The following SH3YL1 variants were observed in gnomAD, a reference collection of about 807,000 sequenced individuals.
SH3YL1 encodes SH3 domain-containing YSC84-like protein 1.
Under a neutral mutation model 45.8 loss-of-function variants are expected in SH3YL1, and 41 were observed. The observed-to-expected ratio is 0.89, with a 90% CI of 0.70 to 1.16. SH3YL1 has a LOEUF of 1.16. Ranked by LOEUF, SH3YL1 falls within the 50% of genes most tolerant of loss-of-function variation. The pLI, the probability that SH3YL1 is intolerant of heterozygous loss-of-function variation, is 0.00. For missense variants in SH3YL1, 389 were observed against 409.6 expected (o/e 0.95, Z 0.43); for synonymous variants, 152 against 151.4 (o/e 1.00, Z -0.03).
Position 253,063 on chromosome 2 carries a change from T to C in SH3YL1, c.54A>G (p.Lys18=). The C allele has an allele frequency of 1.9e-6, 3 of 1,550,566 alleles. No individual in the cohort carries two copies. Among genetic ancestry groups the C allele is most frequent in the Non-Finnish European group, 2.6e-6 (3 of 1,146,064 alleles). The change falls in exon 2 of 10, where the codon AAA becomes AAG. Residue 18 remains lysine (K), a synonymous_variant. Coordinates refer to ENST00000356150, the MANE Select transcript of SH3YL1 (RefSeq NM_015677.4). ...NLKSEAKKAA[K]ILREFTEITS... ...TTATTTCTGTGAATTCTCTTAATAT[T>C]TTGGCAGCCTTTTTTGCTTCTGATT...
chr2:251,537 G>A (rs775039927), intron 2 of SH3YL1, among the ~76,000 whole-genome samples: 9 of 152,106 alleles, frequency 5.9e-5, no homozygotes, highest in Non-Finnish European at 1.3e-4. Context: ...ACTGAGACGG[G>A]CTCCTTCAGA....
chr2:254,859 C>T (rs1411925818), intron 1 of SH3YL1, among the ~76,000 whole-genome samples: 1 of 152,232 alleles, frequency 6.6e-6, no homozygotes, highest in Non-Finnish European at 1.5e-5. Flanking sequence ...AGCCAGACTA[C>T]AGCCTAAGTG....
At chr2:258,170 T>G (rs544283312) in intron 1 of SH3YL1, among the ~76,000 whole-genome samples, 2 of 152,318 alleles carry the variant, frequency 1.3e-5, no homozygotes, top group South Asian at 4.1e-4. Context: ...TAAAATAGTT[T>G]TGTTTTCTAA....
chr2:248,089 C>T (rs1314863698), intron 3 of SH3YL1, among the ~76,000 whole-genome samples: 15 of 152,170 alleles, frequency 9.9e-5, no homozygotes, highest in African/African-American at 2.7e-4. Context: ...TAACACCTCT[C>T]GTGCTTAAGC....
At chr2:263,335 T>C (rs1382692730) in intron 1 of SH3YL1, 1 of 153,618 alleles carries the variant, frequency 6.5e-6, no homozygotes, top group East Asian at 1.9e-4. Flanking sequence ...TCCTATTTCC[T>C]TAAGGTGGTC....
At chr2:245,262 AT>A (rs1156896076) in intron 4 of SH3YL1, among the ~76,000 whole-genome samples, 1 of 152,174 alleles carries the variant, frequency 6.6e-6, no homozygotes, top group Non-Finnish European at 1.5e-5. Context: ...TTTAAAACTC[AT>A]GTCTCCAATC....
chr2:260,870 C>G (rs1389901106), intron 1 of SH3YL1: 1 of 152,204 alleles, frequency 6.6e-6, no homozygotes, highest in East Asian at 1.9e-4. Flanking sequence ...TGCAAACATC[C>G]TGCTGTAGGG....
At chr2:226,445 T>G (rs951502149) in intron 8 of SH3YL1, among the ~76,000 whole-genome samples, 4 of 152,232 alleles carry the variant, frequency 2.6e-5, no homozygotes, top group Non-Finnish European at 5.9e-5. Flanking sequence ...AAGAGATGTT[T>G]ACATTCACTA....
chr2:252,805 C>A (rs1669129020), intron 2 of SH3YL1, among the ~76,000 whole-genome samples, 200 bp downstream of exon 2: 1 of 152,044 alleles, frequency 6.6e-6, no homozygotes, highest in South Asian at 2.1e-4. Flanking sequence ...TGGAAATAAC[C>A]AGAAGTTGTA....
At chr2:219,649 T>A (rs1381988873) in intron 9 of SH3YL1, among the ~76,000 whole-genome samples, 2 of 152,188 alleles carry the variant, frequency 1.3e-5, no homozygotes, top group Non-Finnish European at 2.9e-5. Flanking sequence ...CAAGATAGTG[T>A]GACAGTTTCA....
intron 4 of SH3YL1, among the ~76,000 whole-genome samples, chr2:237,796 G>T (rs965407770): frequency 6.6e-6 from 1 of 151,690 alleles, no homozygotes; most frequent in African/African-American, 2.4e-5. Context: ...ACAAGTACCA[G>T]GAAAATATGT....
intron 4 of SH3YL1, among the ~76,000 whole-genome samples, chr2:247,133 A>G (rs1668854822): frequency 1.3e-5 from 2 of 152,368 alleles, no homozygotes; most frequent in Non-Finnish European, 2.9e-5. Flanking sequence ...AGGGATTTGA[A>G]TATCATATGT....
At chr2:254,399 G>A (rs1010690573) in intron 1 of SH3YL1, among the ~76,000 whole-genome samples, 3 of 152,188 alleles carry the variant, frequency 2.0e-5, no homozygotes, top group Non-Finnish European at 2.9e-5. Flanking sequence ...GAGCGAAGAA[G>A]CTGAATAGCT....
At chr2:227,480 AATT>A (rs1031696447) in intron 8 of SH3YL1, among the ~76,000 whole-genome samples, 2 of 152,162 alleles carry the variant, frequency 1.3e-5, no homozygotes, top group Admixed American at 1.3e-4. Flanking sequence ...GATACTGAAT[AATT>A]ATTAAAAAGA....
At position 243,902 on chromosome 2, in the gene SH3YL1, T is replaced by TA. The variant is rs1355924249; in HGVS notation, c.291+3635dup. Among the ~76,000 whole-genome samples, 4 of 152,208 alleles carry TA rather than the reference T, an allele frequency of 2.6e-5. No homozygotes were observed. In the East Asian group the frequency reaches 7.7e-4, roughly 29 times the overall value. On this transcript the variant is annotated intron_variant, in intron 4 of 9. Coordinates refer to ENST00000356150, the MANE Select transcript of SH3YL1 (RefSeq NM_015677.4). ...AGTGGCTTGTTATTCAGAAGAATGT[T>TA]ACAGTGAGGTGGGCTTTACCACCCA...
At chr2:262,754 C>T (rs767991843) in intron 1 of SH3YL1, 2 of 1,172,242 alleles carry the variant, frequency 1.7e-6, no homozygotes, top group South Asian at 2.9e-5. Context: ...CTTATTTCTG[C>T]GGAATGAGAA....
intron 4 of SH3YL1, chr2:239,441 A>AGAAAAACTGAGACTGACCCAGGC (rs1316452062): frequency 6.6e-6 from 1 of 152,218 alleles, no homozygotes; most frequent in African/African-American, 2.4e-5. Flanking sequence ...AGATGTCCGG[A>AGAAAAACTGAGACTGACCCAGGC]GAAAAACTGA....
chr2:236,640 T>A (rs992354785), intron 4 of SH3YL1, among the ~76,000 whole-genome samples: 1 of 152,186 alleles, frequency 6.6e-6, no homozygotes, highest in Non-Finnish European at 1.5e-5. Flanking sequence ...CAAGGCTGTT[T>A]ACGGATGAAT....
At chr2:237,859 T>C (rs1042835224) in intron 4 of SH3YL1, among the ~76,000 whole-genome samples, 1 of 152,164 alleles carries the variant, frequency 6.6e-6, no homozygotes, top group Non-Finnish European at 1.5e-5. Context: ...ATAACTCAGA[T>C]GCAAGTGTTT....
Sources: allele counts gnomAD v4.1 joint callset (sites outside exome capture counted in the v4.1 genomes callset), GRCh38; gene constraint gnomAD v4.1.1; transcripts MANE v1.5; gene names NCBI Gene and HGNC (gene_info 2026-07-23, HGNC 2026-07-21).